ARAP2: variants seen among roughly 807,000 people sequenced by gnomAD.
ARAP2 encodes the protein arf-GAP with Rho-GAP domain, ANK repeat and PH domain-containing protein 2.
Under a neutral mutation model 194.5 loss-of-function variants are expected in ARAP2, and 148 were observed. The observed-to-expected ratio is 0.76, with a 90% CI of 0.67 to 0.87. ARAP2 has a LOEUF of 0.87. Ranked by LOEUF, ARAP2 falls within the 40% of genes least tolerant of loss-of-function variation. The probability of loss-of-function intolerance (pLI) is 0.00; values close to 1 mark genes in which losing one functional copy is unlikely to be tolerated. For synonymous variants in ARAP2, 695 were observed against 683.5 expected (o/e 1.02, Z -0.26); for missense variants, 2,128 against 1,989.7 (o/e 1.07, Z -1.32).
intron 8 of ARAP2, among the ~76,000 whole-genome samples, chr4:36,180,946 C>T (rs1425053345): frequency 6.6e-6 from 1 of 152,196 alleles, no homozygotes; most frequent in African/African-American, 2.4e-5. Context: ...AAATAGATTA[C>T]AAGTGTCAAC....
chr4:36,158,417 G>T (rs1243512932), intron 15 of ARAP2, among the ~76,000 whole-genome samples: 1 of 152,016 alleles, frequency 6.6e-6, no homozygotes, highest in African/African-American at 2.4e-5. Context: ...TGAGCCAGTT[G>T]GGGTGTCCAT....
intron 6 of ARAP2, among the ~76,000 whole-genome samples, chr4:36,202,132 C>G (rs1032477200): frequency 6.6e-6 from 1 of 152,100 alleles, no homozygotes; most frequent in Non-Finnish European, 1.5e-5. Flanking sequence ...CTAACCCTAA[C>G]GAGACCCAAT....
At chr4:36,235,906 G>A (rs1402910241) in intron 1 of ARAP2, among the ~76,000 whole-genome samples, 1 of 152,158 alleles carries the variant, frequency 6.6e-6, no homozygotes, top group East Asian at 1.9e-4. Flanking sequence ...GCCGGGTGAG[G>A]TGGCTCATGC....
In ARAP2 at chr4:36,016,119, A is replaced by G. The variant is rs554781992; in HGVS notation, n.751-161T>C. Among the ~76,000 whole-genome samples, 90 of 152,320 alleles carry G rather than the reference A, an allele frequency of 5.9e-4. 2 individuals are homozygous for G. Among genetic ancestry groups the G allele is most frequent in the Middle Eastern group, 6.8e-3 (2 of 294 alleles). On this transcript the variant is annotated intron_variant and non_coding_transcript_variant, in intron 6 of 12. Transcript: ENST00000503225. ...AAAAACTATATAGTAGTTAGTTGAA[A>G]TGAATGAACTGCAGGCATATGTCCA...
At chr4:36,095,620 C>CA (rs1489037025) in intron 27 of ARAP2, among the ~76,000 whole-genome samples, 1 of 152,058 alleles carries the variant, frequency 6.6e-6, no homozygotes, top group Non-Finnish European at 1.5e-5. Context: ...ATTTCATGGG[C>CA]AAAACTGACA....
chr4:36,083,691 A>C (rs572721692), intron 28 of ARAP2, among the ~76,000 whole-genome samples: 1 of 152,306 alleles, frequency 6.6e-6, no homozygotes, highest in South Asian at 2.1e-4. Context: ...GTACACATGT[A>C]TATACAGACA....
At chr4:36,054,881 T>C (rs1723240572) in intron 2 of ARAP2, among the ~76,000 whole-genome samples, 1 of 152,202 alleles carries the variant, frequency 6.6e-6, no homozygotes, top group African/African-American at 2.4e-5. Context: ...TGATAGTCTG[T>C]AGTCTACTTT....
At chr4:36,088,351 A>C (rs1712507748) in intron 28 of ARAP2, among the ~76,000 whole-genome samples, 1 of 152,098 alleles carries the variant, frequency 6.6e-6, no homozygotes, top group Admixed American at 6.6e-5. Context: ...TAGAATAATA[A>C]GCTGTGAAGT....
chr4:36,182,923 A>G (rs1739615184), intron 8 of ARAP2, among the ~76,000 whole-genome samples: 1 of 152,176 alleles, frequency 6.6e-6, no homozygotes, highest in Non-Finnish European at 1.5e-5. Context: ...GCTGCTGAAT[A>G]TATGACTGTG....
intron 19 of ARAP2, among the ~76,000 whole-genome samples, chr4:36,145,976 T>C (rs1729546363): frequency 6.6e-6 from 1 of 151,996 alleles, no homozygotes; most frequent in African/African-American, 2.4e-5. Flanking sequence ...AGATCCACTT[T>C]GCCACCAAAG....
intron 6 of ARAP2, among the ~76,000 whole-genome samples, chr4:36,200,381 G>C (rs1744121055): frequency 6.6e-6 from 1 of 151,862 alleles, no homozygotes; most frequent in South Asian, 2.1e-4. Context: ...TCAGCCTCCT[G>C]AGTAGCTGGG....
At chr4:36,029,296 C>T (rs1489793906) in intron 5 of ARAP2, among the ~76,000 whole-genome samples, 1 of 151,994 alleles carries the variant, frequency 6.6e-6, no homozygotes, top group East Asian at 1.9e-4. Context: ...ATTTGCTGCA[C>T]TAGTACTCAT....
rs555077444 is a variant in ARAP2 at position 36,227,064 on chromosome 4, T to C, written c.905+1518A>G. ...CCCAACAAATAATCCAATTCTTATATAGCCAATCAACATTTTCAACAATAT... is the reference window on the plus strand; with the variant it reads ...CCCAACAAATAATCCAATTCTTATACAGCCAATCAACATTTTCAACAATAT... On this transcript the variant is annotated intron_variant, in intron 2 of 32. Coordinates refer to ENST00000303965, the MANE Select transcript of ARAP2 (RefSeq NM_015230.4). Among the ~76,000 whole-genome samples, 13 of 152,310 alleles carry C rather than the reference T, an allele frequency of 8.5e-5. No individual in the cohort carries two copies. In the East Asian group the frequency reaches 1.9e-3, roughly 23 times the overall value.
chr4:36,213,443 A>T, intron 3 of ARAP2, 124 bp from the exon 4 acceptor site: 1 of 651,010 alleles, frequency 1.5e-6, no homozygotes, highest in East Asian at 2.9e-5. Flanking sequence ...ATTCTGTAAG[A>T]GTCCAAATTA....
chr4:36,056,948 AT>A (rs1257397300), intron 2 of ARAP2, among the ~76,000 whole-genome samples: 216 of 144,932 alleles, frequency 1.5e-3, no homozygotes, highest in African/African-American at 2.0e-3. Context: ...TGTTTACCTG[AT>A]TTTTTTTTTT....
intron 22 of ARAP2, among the ~76,000 whole-genome samples, chr4:36,123,236 T>C (rs764861899): frequency 2.0e-5 from 3 of 151,810 alleles, no homozygotes; most frequent in Non-Finnish European, 4.4e-5. Context: ...AGAAACTCTT[T>C]AATTACATTG....
At chr4:36,136,821 G>GTA (rs1726889660) in intron 19 of ARAP2, among the ~76,000 whole-genome samples, 1 of 76,216 alleles carries the variant, frequency 1.3e-5, no homozygotes, top group African/African-American at 3.1e-5. Context: ...GTGTGTGTGC[G>GTA]TGTCTGTGTA....
chr4:36,161,625 G>T, intron 11 of ARAP2, 75 bp from the exon 12 acceptor site: 1 of 1,217,054 alleles, frequency 8.2e-7, no homozygotes, highest in Non-Finnish European at 1.2e-6. Flanking sequence ...GAAAGAAAGT[G>T]CATATGTCTG....
intron 19 of ARAP2, among the ~76,000 whole-genome samples, chr4:36,141,464 T>C (rs938168977): frequency 6.6e-6 from 1 of 151,690 alleles, no homozygotes; most frequent in Non-Finnish European, 1.5e-5. Flanking sequence ...GTGGAAAATA[T>C]TATTGCAATA....
Sources: gnomAD v4.1 joint callset for allele counts (sites outside exome capture counted in the v4.1 genomes callset) on GRCh38, gnomAD v4.1.1 for gene constraint, MANE v1.5 for transcripts, NCBI Gene and HGNC (gene_info 2026-07-23, HGNC 2026-07-21) for gene names.